The following ASTN1 variants were observed in gnomAD, a reference collection of about 807,000 sequenced individuals.
The protein encoded by ASTN1 is astrotactin 1.
A neutral mutation model predicts 140.7 loss-of-function variants in ASTN1; 41 were observed. That is an observed-to-expected ratio of 0.29 (90% CI 0.23 to 0.38). ASTN1 has a LOEUF of 0.38. ASTN1 is among the 10% of genes least tolerant of loss of function. The pLI is 1.00. For synonymous variants in ASTN1, 640 were observed against 652.2 expected (o/e 0.98, Z 0.29); for missense variants, 1,479 against 1,678.8 (o/e 0.88, Z 2.08).
intron 1 of ASTN1, among the ~76,000 whole-genome samples, chr1:177,102,022 T>C (rs796602233): frequency 4.6e-5 from 7 of 152,344 alleles, no homozygotes; most frequent in African/African-American, 1.7e-4. Context: ...ACACCTGTCA[T>C]TTTCAAATTG....
chr1:177,164,160 G>A (rs949197473), intron 1 of ASTN1, among the ~76,000 whole-genome samples: 1 of 152,148 alleles, frequency 6.6e-6, no homozygotes, highest in African/African-American at 2.4e-5. Flanking sequence ...TTTCTTTGAG[G>A]CAGGGCAGCT....
At chr1:177,095,407 A>G (rs1679982298) in intron 1 of ASTN1, among the ~76,000 whole-genome samples, 2 of 152,182 alleles carry the variant, frequency 1.3e-5, no homozygotes, top group Admixed American at 6.5e-5. Context: ...TTTAAAGATC[A>G]TTGGGTATGC....
At chr1:176,918,499 T>G (rs910185711) in intron 16 of ASTN1, among the ~76,000 whole-genome samples, 1 of 152,188 alleles carries the variant, frequency 6.6e-6, no homozygotes, top group Non-Finnish European at 1.5e-5. Context: ...ATTATTATAG[T>G]AACTGGCACT....
intron 14 of ASTN1, among the ~76,000 whole-genome samples, chr1:176,940,693 T>C (rs2103102028): frequency 6.6e-6 from 1 of 152,306 alleles, no homozygotes; most frequent in Admixed American, 6.5e-5. Flanking sequence ...TTTATTTCCA[T>C]ACAACATATA....
chr1:176,871,152 T>C (rs1234893015), intron 21 of ASTN1, among the ~76,000 whole-genome samples: 1 of 152,142 alleles, frequency 6.6e-6, no homozygotes, highest in Non-Finnish European at 1.5e-5. Flanking sequence ...TTGCACTGAT[T>C]GGGCCCCAGA....
intron 22 of ASTN1, among the ~76,000 whole-genome samples, chr1:176,865,824 T>C (rs1045539061): frequency 6.6e-6 from 1 of 152,192 alleles, no homozygotes; most frequent in African/African-American, 2.4e-5. Context: ...CTCACAATCA[T>C]GGTGGAAGAT....
At chr1:177,049,088 A>G (rs1677397071) in intron 2 of ASTN1, among the ~76,000 whole-genome samples, 1 of 152,186 alleles carries the variant, frequency 6.6e-6, no homozygotes, top group South Asian at 2.1e-4. Flanking sequence ...CAGGGAATGG[A>G]AGAAAGTTTT....
intron 1 of ASTN1, among the ~76,000 whole-genome samples, chr1:177,146,158 T>A (rs1331264175): frequency 2.6e-5 from 4 of 152,158 alleles, no homozygotes; most frequent in African/African-American, 9.7e-5. Flanking sequence ...AGTGTCCAAC[T>A]TTTTTTGCAA....
chr1:177,124,446 T>TGA (rs1240875232), intron 1 of ASTN1, among the ~76,000 whole-genome samples: 1 of 152,120 alleles, frequency 6.6e-6, no homozygotes, highest in Non-Finnish European at 1.5e-5. Context: ...CCAGGAGGGA[T>TGA]GAGATAAAGA....
intron 1 of ASTN1, among the ~76,000 whole-genome samples, chr1:177,124,864 A>G (rs1681568685): frequency 6.6e-6 from 1 of 152,218 alleles, no homozygotes; most frequent in African/African-American, 2.4e-5. Flanking sequence ...GCATTTTCAC[A>G]TGGGGCTATA....
chr1:176,908,911 A>C (rs979458544), intron 16 of ASTN1, among the ~76,000 whole-genome samples: 3 of 152,206 alleles, frequency 2.0e-5, no homozygotes, highest in Non-Finnish European at 4.4e-5. Flanking sequence ...ATAAAGGCTA[A>C]ATTTGTAGGC....
chr1:177,144,419 G>GT (rs1682624436), intron 1 of ASTN1, among the ~76,000 whole-genome samples: 1 of 145,076 alleles, frequency 6.9e-6, no homozygotes, highest in Non-Finnish European at 1.5e-5. Flanking sequence ...CGCCCGGCTA[G>GT]TTTTTTGTAT....
chr1:176,953,161 CA>C (rs1672264154), intron 11 of ASTN1, among the ~76,000 whole-genome samples: 1 of 152,120 alleles, frequency 6.6e-6, no homozygotes, highest in South Asian at 2.1e-4. Context: ...CTTTTCCTAC[CA>C]GTGATTTTTA....
chr1:176,858,948 A>G (rs1175592581), downstream of ASTN1, among the ~76,000 whole-genome samples: 1 of 152,238 alleles, frequency 6.6e-6, no homozygotes, highest in East Asian at 1.9e-4. Context: ...GGCAAGATAT[A>G]TAAAGATACT....
intron 8 of ASTN1, among the ~76,000 whole-genome samples, chr1:176,977,658 CTTAA>C (rs1558005380): frequency 6.6e-6 from 1 of 152,136 alleles, no homozygotes; most frequent in Non-Finnish European, 1.5e-5. Flanking sequence ...CTTTTTTTCA[CTTAA>C]TTCTCATAAG....
chr1:176,904,041 G>A lies in ASTN1; in HGVS notation c.2672-9211C>T, dbSNP rs569716317. 3.3e-4 allele frequency among the ~76,000 whole-genome samples: 50 copies of A among 152,310 alleles called. No individual in the cohort carries two copies. The South Asian group carries it at 0.01, about 31-fold the overall frequency. On this transcript the variant is annotated intron_variant, in intron 16 of 22. Coordinates refer to ENST00000361833, the MANE Select transcript of ASTN1 (RefSeq NM_004319.3). The stretch of plus-strand genomic sequence containing the variant: ...ATAAAGACACTAGTCGTTGAAGGTA[G>A]TCTAGGGTCACCTCATCTTAATGTA...
intron 16 of ASTN1, among the ~76,000 whole-genome samples, chr1:176,902,247 A>C (rs946977323): frequency 6.6e-6 from 1 of 152,228 alleles, no homozygotes; most frequent in African/African-American, 2.4e-5. Flanking sequence ...TTCTTTTCTA[A>C]AAATGCAGTT....
rs146348833 is a variant in ASTN1, at chr1:177,064,164, C to G, written c.284-2899G>C. Among the ~76,000 whole-genome samples the G allele has an allele frequency of 2.6e-5, 4 of 152,246 alleles. No individual in the cohort carries two copies. In the East Asian group the frequency reaches 7.7e-4, roughly 29 times the overall value. ...TTTGTCCCCTCCACCCCACAACACA[C>G]GCACCAGACAACATCATCTCAGAGC... On this transcript the variant is annotated intron_variant, in intron 1 of 22. Transcript: ENST00000361833.
At chr1:177,045,905 CTACAG>C (rs1211001936) in intron 2 of ASTN1, among the ~76,000 whole-genome samples, 9 of 29,336 alleles carry the variant, frequency 3.1e-4, no homozygotes, top group Non-Finnish European at 8.7e-4. Context: ...CATGTAGCTG[CTACAG>C]ACACATGCTT....
Sources: gnomAD v4.1 joint callset for allele counts (sites outside exome capture counted in the v4.1 genomes callset) on GRCh38, gnomAD v4.1.1 for gene constraint, MANE v1.5 for transcripts, NCBI Gene and HGNC (gene_info 2026-07-23, HGNC 2026-07-21) for gene names.